RBFOX1: variants seen among roughly 807,000 people sequenced by gnomAD.
RBFOX1 encodes RNA binding fox-1 homolog 1.
Under a neutral mutation model 57.7 loss-of-function variants are expected in RBFOX1, and 8 were observed. That is an observed-to-expected ratio of 0.14 (90% CI 0.08 to 0.25). RBFOX1 has a LOEUF of 0.25. Ranked by LOEUF, RBFOX1 falls within the 10% of genes least tolerant of loss-of-function variation. The pLI, the probability that RBFOX1 is intolerant of heterozygous loss-of-function variation, is 1.00. For missense variants in RBFOX1, 611 were observed against 548.5 expected (o/e 1.11, Z -1.14); for synonymous variants, 326 against 222.4 (o/e 1.47, Z -4.15).
chr16:6,277,701 A>G (rs1567834179), intron 1 of RBFOX1, among the ~76,000 whole-genome samples: 1 of 151,100 alleles, frequency 6.6e-6, no homozygotes, highest in Non-Finnish European at 1.5e-5. Flanking sequence ...CATTTTCCAA[A>G]TCCGTGCTGA....
chr16:6,136,153 G>A (rs1358999955), intron 1 of RBFOX1, among the ~76,000 whole-genome samples: 2 of 152,036 alleles, frequency 1.3e-5, no homozygotes, highest in African/African-American at 4.8e-5. Flanking sequence ...CTAAGCTCGC[G>A]ATGATAACAC....
At chr16:6,344,407 C>CTTTTTTTATTTT in intron 2 of RBFOX1, among the ~76,000 whole-genome samples, 1 of 109,842 alleles carries the variant, frequency 9.1e-6, no homozygotes, top group Admixed American at 1.0e-4. Flanking sequence ...TCTTTTTTTT[C>CTTTTTTTATTTT]TTTTTTTTTT....
At position 7,372,747 on chromosome 16, in the gene RBFOX1, C is replaced by A. The variant is rs905547995; in HGVS notation, c.28-145400C>A. ...AAAATTTTTGAATCAATATAAAAAG[C>A]AGCAATGGGAAAAGGAGAAGAGAGG... is the stretch of plus-strand genomic sequence containing the variant. On this transcript the variant is annotated intron_variant, in intron 4 of 15. Coordinates refer to ENST00000550418, the MANE Select transcript of RBFOX1 (RefSeq NM_018723.4). Among the ~76,000 whole-genome samples the A allele has an allele frequency of 3.3e-5, 5 of 151,014 alleles. No individual in the cohort carries two copies. The South Asian group carries it at 6.3e-4, about 19-fold the overall frequency.
intron 4 of RBFOX1, among the ~76,000 whole-genome samples, chr16:7,429,059 G>A (rs1473863982): frequency 1.3e-5 from 2 of 152,186 alleles, no homozygotes; most frequent in African/African-American, 4.8e-5. Flanking sequence ...GACCTGTCTT[G>A]TGGAAATGAA....
At chr16:6,399,630 T>C (rs2092987819) in intron 2 of RBFOX1, among the ~76,000 whole-genome samples, 1 of 152,234 alleles carries the variant, frequency 6.6e-6, no homozygotes, top group Non-Finnish European at 1.5e-5. Flanking sequence ...TGTTCCAACC[T>C]CTGCCTGTTA....
chr16:6,182,599 A>G (rs2097072649), intron 1 of RBFOX1, among the ~76,000 whole-genome samples: 1 of 152,174 alleles, frequency 6.6e-6, no homozygotes, highest in South Asian at 2.1e-4. Flanking sequence ...TCCTCCTATT[A>G]TTAGACATAT....
intron 3 of RBFOX1, among the ~76,000 whole-genome samples, chr16:6,755,916 T>C (rs924876381): frequency 6.6e-6 from 1 of 152,144 alleles, no homozygotes; most frequent in African/African-American, 2.4e-5. Flanking sequence ...ACTTTTTCCA[T>C]GTAGAAACAT....
chr16:7,051,858 C>T (rs2050199036), intron 3 of RBFOX1, among the ~76,000 whole-genome samples, 199 bp from the exon 4 acceptor site: 4 of 152,180 alleles, frequency 2.6e-5, no homozygotes, highest in Admixed American at 2.6e-4. Context: ...TCTGACTTAT[C>T]CTAGCTGTGC....
chr16:5,433,128 G>A (rs561764208), intron 1 of RBFOX1, among the ~76,000 whole-genome samples: 6 of 152,328 alleles, frequency 3.9e-5, no homozygotes, highest in African/African-American at 1.2e-4. Context: ...CAGAGTCACT[G>A]TTTCTCAGCT....
At chr16:6,687,768 A>C (rs949586533) in intron 3 of RBFOX1, among the ~76,000 whole-genome samples, 1 of 152,184 alleles carries the variant, frequency 6.6e-6, no homozygotes, top group African/African-American at 2.4e-5. Context: ...GTCAGCCCAG[A>C]GTGGTCACAT....
intron 3 of RBFOX1, among the ~76,000 whole-genome samples, chr16:6,936,671 A>G (rs980302235): frequency 1.3e-5 from 2 of 152,262 alleles, no homozygotes; most frequent in South Asian, 4.1e-4. Flanking sequence ...TCACAGATAC[A>G]AAACTAAGGC....
At chr16:5,638,935 C>T (rs972785881) in intron 3 of RBFOX1, among the ~76,000 whole-genome samples, 3 of 152,200 alleles carry the variant, frequency 2.0e-5, no homozygotes, top group Non-Finnish European at 4.4e-5. Flanking sequence ...ATGTCCCCTG[C>T]TCTGTGATTC....
chr16:6,879,840 G>T (rs2062570772), intron 3 of RBFOX1, among the ~76,000 whole-genome samples: 1 of 152,120 alleles, frequency 6.6e-6, no homozygotes, highest in African/African-American at 2.4e-5. Context: ...TTTACAAAGA[G>T]GTTTGAGACA....
At chr16:5,936,913 T>G (rs149871328) in intron 4 of RBFOX1, among the ~76,000 whole-genome samples, 126 of 152,272 alleles carry the variant, frequency 8.3e-4, no homozygotes, top group African/African-American at 2.7e-3. Flanking sequence ...CAGGCTTACC[T>G]TCATCTCAAG....
intron 4 of RBFOX1, among the ~76,000 whole-genome samples, chr16:7,484,157 C>T (rs1044913490): frequency 1.3e-5 from 2 of 152,150 alleles, no homozygotes; most frequent in Non-Finnish European, 2.9e-5. Context: ...AATTGTTGCA[C>T]ATATTAACAT....
intron 2 of RBFOX1, among the ~76,000 whole-genome samples, chr16:6,568,475 A>C (rs775103877): frequency 2.8e-4 from 42 of 152,250 alleles, no homozygotes; most frequent in Non-Finnish European, 5.7e-4. Context: ...GCTAAGATGG[A>C]AGCCATAGTC....
At chr16:7,403,012 C>A (rs962862827) in intron 4 of RBFOX1, among the ~76,000 whole-genome samples, 2 of 152,174 alleles carry the variant, frequency 1.3e-5, no homozygotes, top group South Asian at 2.1e-4. Flanking sequence ...TGGAACTCCC[C>A]GTTCACGATG....
At chr16:7,361,921 T>C (rs924227153) in intron 4 of RBFOX1, among the ~76,000 whole-genome samples, 3 of 149,198 alleles carry the variant, frequency 2.0e-5, no homozygotes, top group Non-Finnish European at 4.4e-5. Context: ...AGTTTGCATA[T>C]GTGTGTTAGT....
At chr16:7,272,364 T>C (rs1273906568) in intron 4 of RBFOX1, among the ~76,000 whole-genome samples, 2 of 152,084 alleles carry the variant, frequency 1.3e-5, no homozygotes, top group African/African-American at 2.4e-5. Flanking sequence ...TTTGTATTTT[T>C]AGTAGAGACT....
Sources: allele counts gnomAD v4.1 joint callset (sites outside exome capture counted in the v4.1 genomes callset), GRCh38; gene constraint gnomAD v4.1.1; transcripts MANE v1.5; gene names NCBI Gene and HGNC (gene_info 2026-07-23, HGNC 2026-07-21).